The following ACSS1 variants were observed in gnomAD, a reference collection of about 807,000 sequenced individuals.
ACSS1 encodes the protein acetyl-coenzyme A synthetase 2-like, mitochondrial.
A neutral mutation model predicts 75.3 loss-of-function variants in ACSS1; 42 were observed. That is an observed-to-expected ratio of 0.56 (90% CI 0.44 to 0.72). The LOEUF (loss-of-function observed/expected upper bound fraction) is 0.72. Among genes scored for constraint, ACSS1 ranks in the 30% least tolerant of loss-of-function variants. The pLI, the probability that ACSS1 is intolerant of heterozygous loss-of-function variation, is 0.00. For missense variants in ACSS1, 782 were observed against 935.7 expected, an observed-to-expected ratio of 0.84 and a Z score of 2.14; for synonymous variants, 380 against 376.8, an observed-to-expected ratio of 1.01 and a Z score of -0.10.
intron 1 of ACSS1, among the ~76,000 whole-genome samples, chr20:25,057,436 C>T (rs888133550): frequency 8.5e-5 from 13 of 152,240 alleles, no homozygotes; most frequent in Non-Finnish European, 1.5e-5. Flanking sequence ...GGCTCTTGCT[C>T]AGCGGCGCTA....
chr20:25,051,181 C>T (rs570444470), intron 1 of ACSS1, among the ~76,000 whole-genome samples: 4 of 152,322 alleles, frequency 2.6e-5, no homozygotes, highest in East Asian at 1.9e-4. Context: ...CTCACTCTCC[C>T]GAGCACCTCA....
intron 1 of ACSS1, 117 bp downstream of exon 1, chr20:25,057,652 G>C (rs2089262083): frequency 1.0e-6 from 1 of 991,396 alleles, no homozygotes; most frequent in Non-Finnish European, 1.4e-6. Flanking sequence ...CCGGAGGAGG[G>C]GCCCCTGCAG....
intron 2 of ACSS1, chr20:25,046,646 G>A (rs2089094867): frequency 1.6e-6 from 1 of 614,804 alleles, no homozygotes; most frequent in African/African-American, 1.9e-5. Context: ...AACTACTCCA[G>A]GGGCAGCAGC....
At chr20:25,052,556 T>A (rs2084094856) in intron 1 of ACSS1, among the ~76,000 whole-genome samples, 1 of 152,250 alleles carries the variant, frequency 6.6e-6, no homozygotes, top group Admixed American at 6.5e-5. Flanking sequence ...ACATCACAAT[T>A]CCCCTCCCAC....
At chr20:25,027,779 CAAAAAAAAAAA>C (rs78414153) in intron 3 of ACSS1, among the ~76,000 whole-genome samples, 1 of 75,358 alleles carries the variant, frequency 1.3e-5, no homozygotes, top group Non-Finnish European at 2.7e-5. Context: ...AGTGATCAGG[CAAAAAAAAAAA>C]AAAAAAAGAA....
Position 25,036,985 on chromosome 20 carries a change from A to AGGAAGG in ACSS1, c.432-6028_432-6027insCCTTCC, listed in dbSNP as rs2088919220. On this transcript the variant is annotated intron_variant, in intron 2 of 13. Transcript: ENST00000323482. ...AAAAAAGAAGAAGAAGAAAGAAAGA[A>AGGAAGG]AAAGAAAGAAAGAAGAAAGAAAGGA... Among the ~76,000 whole-genome samples the AGGAAGG allele has an allele frequency of 1.9e-3, 210 of 108,660 alleles. 2 individuals are homozygous for AGGAAGG. The highest frequency in any genetic ancestry group is 7.2e-3 in the African/African-American group (192 of 26,770). 71.3% of individuals were successfully genotyped at this position (108,660 alleles called of 152,430 possible). A position where few individuals can be genotyped will look rare whatever the true frequency, so the allele number is the denominator to read the frequency against.
At chr20:25,054,937 G>C (rs932852870) in intron 1 of ACSS1, among the ~76,000 whole-genome samples, 3 of 152,218 alleles carry the variant, frequency 2.0e-5, no homozygotes, top group African/African-American at 2.4e-5. Flanking sequence ...TGATAAGGGA[G>C]CTCCTTCCAC....
chr20:25,026,366 C>T (rs2122661160), intron 3 of ACSS1, among the ~76,000 whole-genome samples: 1 of 152,342 alleles, frequency 6.6e-6, no homozygotes, highest in East Asian at 1.9e-4. Flanking sequence ...GATGCCAGGC[C>T]TGTGCCAGCC....
intron 2 of ACSS1, among the ~76,000 whole-genome samples, chr20:25,036,136 G>C (rs1464554993): frequency 6.6e-6 from 1 of 152,182 alleles, no homozygotes; most frequent in East Asian, 1.9e-4. Flanking sequence ...TATAACACTT[G>C]TTGTTCAGGT....
chr20:25,012,675 C>T lies in ACSS1; in HGVS notation c.1708-11G>A. 2 of 1,614,154 alleles carry T rather than the reference C, an allele frequency of 1.2e-6. No individual in the cohort carries two copies. The highest frequency in any genetic ancestry group is 1.7e-6 in the Non-Finnish European group (2 of 1,180,024). The stretch of plus-strand genomic sequence containing the variant: ...TGCAGGGTGGTCGGCCTGTGTACAA[C>T]AGAGAACAAAAGGGCAAAATGTGGC... On this transcript the variant is annotated splice_polypyrimidine_tract_variant and intron_variant, in intron 11 of 13. Coordinates refer to ENST00000323482, the MANE Select transcript of ACSS1 (RefSeq NM_032501.4).
chr20:25,047,683 G>A (rs1311710525), intron 2 of ACSS1, among the ~76,000 whole-genome samples: 1 of 152,132 alleles, frequency 6.6e-6, no homozygotes, highest in African/African-American at 2.4e-5. Flanking sequence ...GAGAACCAAG[G>A]TGCTGCACCA....
intron 2 of ACSS1, chr20:25,031,245 G>C (rs965233576): frequency 2.1e-5 from 10 of 470,778 alleles, no homozygotes; most frequent in African/African-American, 2.0e-4. Flanking sequence ...AGGAGCGTAG[G>C]GGAGCCATGG....
chr20:25,023,710 C>T, intron 3 of ACSS1, 69 bp from the exon 4 acceptor site: 21 of 1,424,994 alleles, frequency 1.5e-5, no homozygotes, highest in Non-Finnish European at 1.9e-5. Flanking sequence ...CTCTGACTCA[C>T]ATAGGACATC....
chr20:25,014,770 C>T (rs1373299215), intron 8 of ACSS1, among the ~76,000 whole-genome samples: 1 of 152,188 alleles, frequency 6.6e-6, no homozygotes, highest in East Asian at 1.9e-4. Flanking sequence ...TCAGATGTTC[C>T]CCTGTTCAGA....
intron 1 of ACSS1, among the ~76,000 whole-genome samples, chr20:25,055,721 G>A (rs538162804): frequency 2.6e-5 from 4 of 152,322 alleles, no homozygotes; most frequent in African/African-American, 7.2e-5. Flanking sequence ...AGAACCACTG[G>A]TATTCTTGAG....
intron 9 of ACSS1, 58 bp downstream of exon 9, chr20:25,013,899 GGGCA>G: frequency 6.6e-7 from 1 of 1,522,376 alleles, no homozygotes; most frequent in Non-Finnish European, 9.0e-7. Flanking sequence ...GAGCTGGGCT[GGGCA>G]GGCAGGGACA....
chr20:25,020,272 A>T, intron 6 of ACSS1, 125 bp from the exon 7 acceptor site: 1 of 1,365,442 alleles, frequency 7.3e-7, no homozygotes, highest in South Asian at 1.3e-5. Context: ...TATGAAAGGG[A>T]TCCCCCCAAC....
rs1205436809 is a variant in ACSS1 at position 25,007,950 on chromosome 20, G to T, written c.1891-9C>A. 1.9e-6 allele frequency: 3 copies of T among 1,613,670 alleles called. No individual in the cohort carries two copies. Among genetic ancestry groups the T allele is most frequent in the Non-Finnish European group, 2.5e-6 (3 of 1,179,768 alleles). ...GGAAGACGTTTCACCACCTGGCAAG[G>T]AACAGGCACAGTGTTAGAGCGTGGA... On this transcript the variant is annotated splice_polypyrimidine_tract_variant and intron_variant, in intron 13 of 13. Coordinates refer to ENST00000323482, the MANE Select transcript of ACSS1 (RefSeq NM_032501.4).
At position 25,031,010 on chromosome 20, in the gene ACSS1, A is replaced by C. The variant is rs373003384; in HGVS notation, c.432-52T>G. On this transcript the variant is annotated intron_variant, in intron 2 of 13. Transcript: ENST00000323482. Reference sequence around the variant, plus strand: ...CAGAGATGGAGGAGGGCCAAAATGCAGAGCAGTTTGGGGGTGGAGCAATAC... The same window carrying C: ...CAGAGATGGAGGAGGGCCAAAATGCCGAGCAGTTTGGGGGTGGAGCAATAC... 3.9e-5 allele frequency: 61 copies of C among 1,582,644 alleles called. No homozygotes were observed. In the African/African-American group the frequency reaches 6.9e-4, roughly 18 times the overall value.
Sources: allele counts gnomAD v4.1 joint callset (sites outside exome capture counted in the v4.1 genomes callset), GRCh38; gene constraint gnomAD v4.1.1; transcripts MANE v1.5; gene names NCBI Gene and HGNC (gene_info 2026-07-23, HGNC 2026-07-21).